Variants in NEK10 observed in about 807,000 individuals in gnomAD.
NEK10 encodes the protein NIMA related kinase 10, also known as serine/threonine-protein kinase Nek10.
In NEK10, 122 loss-of-function variants were observed where a neutral mutation model predicts 159.8. That is an observed-to-expected ratio of 0.76 (90% CI 0.66 to 0.89). The LOEUF (loss-of-function observed/expected upper bound fraction) is 0.89. NEK10 is among the 40% of genes least tolerant of loss of function. NEK10 has a pLI of 0.00. For synonymous variants in NEK10, 466 were observed against 457.1 expected, an observed-to-expected ratio of 1.02 and a Z score of -0.25; for missense variants, 1,342 against 1,323.1, an observed-to-expected ratio of 1.01 and a Z score of -0.22.
intron 5 of NEK10, among the ~76,000 whole-genome samples, chr3:27,336,392 T>C (rs2046804257): frequency 6.6e-6 from 1 of 152,158 alleles, no homozygotes; most frequent in South Asian, 2.1e-4. Flanking sequence ...ACTGGTGGAT[T>C]CACTGCTGAA....
Position 27,162,722 on chromosome 3 carries a change from T to C in NEK10, c.2848A>G (p.Thr950Ala). 1 of 1,614,150 alleles carries C rather than the reference T, an allele frequency of 6.2e-7. No homozygotes were observed. Among genetic ancestry groups the C allele is most frequent in the Non-Finnish European group, 8.5e-7 (1 of 1,179,990 alleles). ...QSQTRDFTGG[T>A]GSRPRPASAG... ...TTACCTGGTCTTGGTCTTGATCCTG[T>C]TCCTCCAGTGAAGTCCCTGAAAATA... The change falls in exon 30 of 36, where the codon ACA becomes GCA. Residue 950 changes from threonine (T) to alanine (A), a missense_variant. Physicochemically the swap from Thr to Ala is moderately conservative, Grantham distance 58. Coordinates refer to ENST00000691995, the MANE Select transcript of NEK10 (RefSeq NM_001394966.1).
At chr3:27,226,245 C>G (rs1433155578) in intron 23 of NEK10, among the ~76,000 whole-genome samples, 1 of 151,380 alleles carries the variant, frequency 6.6e-6, no homozygotes, top group Admixed American at 6.6e-5. Flanking sequence ...CAGGGTTTCA[C>G]CGTGTTAGCC....
chr3:27,287,250 T>C (rs1390824489), intron 20 of NEK10, among the ~76,000 whole-genome samples: 1 of 152,018 alleles, frequency 6.6e-6, no homozygotes, highest in African/African-American at 2.4e-5. Context: ...CAGTCTGGGC[T>C]CCATCGCCAC....
At chr3:27,262,590 C>T (rs1559384046) in intron 22 of NEK10, among the ~76,000 whole-genome samples, 1 of 152,130 alleles carries the variant, frequency 6.6e-6, no homozygotes, top group African/African-American at 2.4e-5. Flanking sequence ...TTTGATCTTC[C>T]ATCACTGATA....
intron 5 of NEK10, among the ~76,000 whole-genome samples, chr3:27,325,772 C>T (rs1284876784): frequency 6.6e-6 from 1 of 152,224 alleles, no homozygotes; most frequent in Non-Finnish European, 1.5e-5. Flanking sequence ...AGTCCCCCAA[C>T]AAGGCCTGGC....
intron 5 of NEK10, among the ~76,000 whole-genome samples, chr3:27,326,191 G>C (rs1448699688): frequency 6.6e-6 from 1 of 152,208 alleles, no homozygotes; most frequent in African/African-American, 2.4e-5. Context: ...CTAATACAGA[G>C]AGGATATCTT....
Position 27,174,705 on chromosome 3 carries a change from C to T in NEK10, c.2634G>A (p.Arg878=), listed in dbSNP as rs764653166. The T allele has an allele frequency of 2.0e-5, 32 of 1,613,440 alleles. No homozygotes were observed. Among genetic ancestry groups the T allele is most frequent in the Middle Eastern group, 3.3e-4 (2 of 6,056 alleles). Residue 878 remains arginine (R), a synonymous_variant, in exon 27 of 36, where the codon AGG becomes AGA. Coordinates refer to ENST00000691995, the MANE Select transcript of NEK10 (RefSeq NM_001394966.1). ...CATCTGACAGGATTTCGTCACAGGC[C>T]CTGTCTTCGTCTTTACCATAGGAGG... The part of the protein sequence containing the change: ...FQASYGKDED[R]ACDEILSDDN...
At chr3:27,329,281 T>A (rs575988853) in intron 5 of NEK10, among the ~76,000 whole-genome samples, 2 of 152,336 alleles carry the variant, frequency 1.3e-5, no homozygotes, top group South Asian at 4.1e-4. Context: ...TTTTTTCCTG[T>A]ATAAATTACC....
chr3:27,128,479 T>C (rs1267110440), intron 32 of NEK10, among the ~76,000 whole-genome samples: 1 of 152,130 alleles, frequency 6.6e-6, no homozygotes, highest in Non-Finnish European at 1.5e-5. Context: ...GCTTAAGTAC[T>C]TCTACAATAA....
chr3:27,116,568 A>T (rs550048880), intron 33 of NEK10, among the ~76,000 whole-genome samples: 5 of 152,334 alleles, frequency 3.3e-5, no homozygotes, highest in East Asian at 1.9e-4. Context: ...ATGTAAAGAG[A>T]CCAAAGATCT....
chr3:27,202,816 T>C (rs996988241), intron 23 of NEK10, among the ~76,000 whole-genome samples: 8 of 152,164 alleles, frequency 5.3e-5, no homozygotes, highest in African/African-American at 1.2e-4. Flanking sequence ...AGGGTGTTTA[T>C]TTCCAGAAAG....
intron 23 of NEK10, among the ~76,000 whole-genome samples, chr3:27,242,577 A>C (rs1206313929): frequency 1.3e-5 from 2 of 152,194 alleles, no homozygotes; most frequent in African/African-American, 2.4e-5. Context: ...CTCCTAGGGG[A>C]AGGGACAGCC....
intron 23 of NEK10, among the ~76,000 whole-genome samples, chr3:27,231,254 T>C (rs1051168440): frequency 6.6e-6 from 1 of 151,784 alleles, no homozygotes; most frequent in African/African-American, 2.4e-5. Context: ...TAATGTGCTC[T>C]TGAATGATTA....
chr3:27,136,138 A>G lies in NEK10; in HGVS notation c.2971-4148T>C, dbSNP rs1285867582. 3.7e-5 allele frequency among the ~76,000 whole-genome samples: 4 copies of G among 106,776 alleles called. No homozygotes were observed. In the Admixed American group the frequency reaches 5.5e-4, roughly 15 times the overall value. The allele number at this position is 106,776 out of a possible 152,430, so 70.0% of individuals were successfully genotyped here. On this transcript the variant is annotated intron_variant, in intron 31 of 35. Coordinates refer to ENST00000691995, the MANE Select transcript of NEK10 (RefSeq NM_001394966.1). Reference sequence around the variant, plus strand: ...TTTTTTTTTTTTTTTTTTGAGATAGAGTCTTGCTCTGTCACCCAGGCTGGA... The same window carrying G: ...TTTTTTTTTTTTTTTTTTGAGATAGGGTCTTGCTCTGTCACCCAGGCTGGA...
chr3:27,225,182 G>T (rs1240413087), intron 23 of NEK10, among the ~76,000 whole-genome samples: 5 of 152,172 alleles, frequency 3.3e-5, no homozygotes, highest in African/African-American at 1.2e-4. Context: ...AAAGATGAAG[G>T]CTGGGAGGTT....
intron 5 of NEK10, 50 bp downstream of exon 5, chr3:27,344,222 T>C (rs1187618471): frequency 7.1e-6 from 6 of 846,138 alleles, no homozygotes; most frequent in Non-Finnish European, 1.2e-5. Context: ...ACAAGATAGA[T>C]GACATATGCC....
intron 5 of NEK10, among the ~76,000 whole-genome samples, chr3:27,340,431 G>A (rs539348277): frequency 3.3e-5 from 5 of 152,142 alleles, no homozygotes; most frequent in East Asian, 1.9e-4. Flanking sequence ...CCTAGACAAC[G>A]GGTGGATAGG....
At chr3:27,240,588 G>A (rs1352191400) in intron 23 of NEK10, among the ~76,000 whole-genome samples, 1 of 151,890 alleles carries the variant, frequency 6.6e-6, no homozygotes, top group African/African-American at 2.4e-5. Flanking sequence ...CTTTATTCAA[G>A]GTAGCAGAGA....
At chr3:27,253,210 G>T (rs1955842452) in intron 23 of NEK10, among the ~76,000 whole-genome samples, 1 of 151,962 alleles carries the variant, frequency 6.6e-6, no homozygotes, top group African/African-American at 2.4e-5. Context: ...AGGAATAGTT[G>T]AAGTTTTCCA....
Sources: gnomAD v4.1 joint callset for allele counts (sites outside exome capture counted in the v4.1 genomes callset) on GRCh38, gnomAD v4.1.1 for gene constraint, MANE v1.5 for transcripts, NCBI Gene and HGNC (gene_info 2026-07-23, HGNC 2026-07-21) for gene names.